CAMTA1: variants seen among roughly 807,000 people sequenced by gnomAD.
CAMTA1 encodes calmodulin-binding transcription activator 1.
A neutral mutation model predicts 170.9 loss-of-function variants in CAMTA1; 27 were observed. That is an observed-to-expected ratio of 0.16 (90% CI 0.12 to 0.22). CAMTA1 has a LOEUF of 0.22. CAMTA1 is among the 10% of genes least tolerant of loss of function. CAMTA1 has a pLI of 1.00. For synonymous variants in CAMTA1, 833 were observed against 891.5 expected (o/e 0.93, Z 1.17); for missense variants, 1,619 against 2,217.2 (o/e 0.73, Z 5.42).
chr1:7,397,082 T>G, intron 5 of CAMTA1, among the ~76,000 whole-genome samples: 1 of 152,226 alleles, frequency 6.6e-6, no homozygotes, highest in East Asian at 1.9e-4. Flanking sequence ...AATAGTTATT[T>G]AAATATTTGG....
chr1:7,734,539 TAC>T lies in CAMTA1; in HGVS notation c.3067-1803_3067-1802del, dbSNP rs1195314431. ...TAGAGACATGACTGTTTTTGTTTAA[TAC>T]AAAAAAAAAAAAATTCCCTTTTCGT... On this transcript the variant is annotated intron_variant, in intron 12 of 22. Coordinates refer to ENST00000303635, the MANE Select transcript of CAMTA1 (RefSeq NM_015215.4). 3.9e-4 allele frequency among the ~76,000 whole-genome samples: 43 copies of T among 108,974 alleles called. No homozygotes were observed. In the Admixed American group the frequency reaches 4.7e-3, roughly 12 times the overall value. 71.5% of individuals were successfully genotyped at this position (108,974 alleles called of 152,430 possible).
intron 3 of CAMTA1, among the ~76,000 whole-genome samples, chr1:6,835,307 A>G (rs1334658849): frequency 1.3e-5 from 2 of 152,200 alleles, no homozygotes; most frequent in African/African-American, 4.8e-5. Flanking sequence ...GAGACTCTGT[A>G]CTGTGCAGAC....
At chr1:7,554,810 C>A (rs2094854164) in intron 6 of CAMTA1, among the ~76,000 whole-genome samples, 1 of 152,038 alleles carries the variant, frequency 6.6e-6, no homozygotes, top group South Asian at 2.1e-4. Context: ...TTGCTTCATC[C>A]CCCCCAACCC....
At chr1:6,804,176 CTTTTTTTTTTTT>C (rs889875577) in intron 1 of CAMTA1, among the ~76,000 whole-genome samples, 14 of 116,466 alleles carry the variant, frequency 1.2e-4, no homozygotes, top group Non-Finnish European at 1.8e-4. Context: ...GAGCGAAACT[CTTTTTTTTTTTT>C]TTTTTTTTTG....
intron 4 of CAMTA1, among the ~76,000 whole-genome samples, chr1:7,123,067 C>G (rs999994974): frequency 1.3e-4 from 20 of 152,176 alleles, no homozygotes; most frequent in African/African-American, 4.8e-4. Context: ...TCCGGGCCAT[C>G]TTGCCAGCCA....
chr1:7,022,584 T>TAGGGTAGA (rs1701513293), intron 3 of CAMTA1, among the ~76,000 whole-genome samples: 1 of 152,262 alleles, frequency 6.6e-6, no homozygotes, highest in African/African-American at 2.4e-5. Context: ...AGAGAGGTAG[T>TAGGGTAGA]GTAGCCCACT....
Position 7,633,440 on chromosome 1 carries a change from G to T in CAMTA1, c.511-6960G>T, listed in dbSNP as rs1371405495. Among the ~76,000 whole-genome samples the T allele has an allele frequency of 6.6e-6, 1 of 152,174 alleles. No homozygotes were observed. The highest frequency in any genetic ancestry group is 6.5e-5 in the Admixed American group (1 of 15,288). On this transcript the variant is annotated intron_variant, in intron 6 of 22. Coordinates refer to ENST00000303635, the MANE Select transcript of CAMTA1 (RefSeq NM_015215.4). The surrounding 1 kb of genome is among the most constrained non-coding windows in gnomAD (Gnocchi z 4.1). ...CCACCCCTCCTGGGCCCCTTCTGGG[G>T]GAGTGGACCCCCTCCTCTTCCAGCC...
intron 3 of CAMTA1, among the ~76,000 whole-genome samples, chr1:7,009,877 C>T (rs535678373): frequency 1.3e-5 from 2 of 152,174 alleles, no homozygotes; most frequent in Non-Finnish European, 2.9e-5. Flanking sequence ...GCTTTCCCTG[C>T]GGTCCTCGTG....
At chr1:7,108,514 T>C (rs967810585) in intron 4 of CAMTA1, among the ~76,000 whole-genome samples, 1 of 152,114 alleles carries the variant, frequency 6.6e-6, no homozygotes, top group African/African-American at 2.4e-5. Context: ...AACTCTCACA[T>C]CATCCTCGAC....
rs531442049 is a variant in CAMTA1 at position 7,120,499 on chromosome 1, G to A, written c.302+29128G>A. Among the ~76,000 whole-genome samples, 39 of 152,314 alleles carry A rather than the reference G, an allele frequency of 2.6e-4. 1 individual carries two copies. The South Asian group carries it at 7.9e-3, about 31-fold the overall frequency. On this transcript the variant is annotated intron_variant, in intron 4 of 22. Coordinates refer to ENST00000303635, the MANE Select transcript of CAMTA1 (RefSeq NM_015215.4). ...CATCAGAGCCAGCAGGGGAGAGAGAGCCTGCTAGCAAGATGGACGTTCCTG... is the reference window on the plus strand; with the variant it reads ...CATCAGAGCCAGCAGGGGAGAGAGAACCTGCTAGCAAGATGGACGTTCCTG...
rs941250284 is a variant in CAMTA1 at position 7,427,000 on chromosome 1, G to A, written c.439-40830G>A. 1.3e-5 allele frequency among the ~76,000 whole-genome samples: 2 copies of A among 152,076 alleles called. No homozygotes were observed. Among genetic ancestry groups the A allele is most frequent in the African/African-American group, 2.4e-5 (1 of 41,476 alleles). ...TCCTTACTCAACATTCCCAGGTGTC[G>A]TCCCCTCTTAAGCTGTCCTAGATGA... is the stretch of plus-strand genomic sequence containing the variant. On this transcript the variant is annotated intron_variant, in intron 5 of 22. Transcript: ENST00000303635. This position sits in a 1 kb window ranked among gnomAD's most constrained non-coding sequence, Gnocchi z 4.8.
At chr1:7,349,487 T>C (rs181938651) in intron 5 of CAMTA1, among the ~76,000 whole-genome samples, 35 of 152,344 alleles carry the variant, frequency 2.3e-4, no homozygotes, top group African/African-American at 6.3e-4. Flanking sequence ...ATGCCATGTG[T>C]GTACTCTGGC....
chr1:6,852,694 TCC>T (rs899076308), intron 3 of CAMTA1, among the ~76,000 whole-genome samples: 1 of 152,220 alleles, frequency 6.6e-6, no homozygotes, highest in African/African-American at 2.4e-5. Context: ...CCCTCCCAGC[TCC>T]CCTATGTGTT....
At chr1:7,556,688 C>T (rs1357467070) in intron 6 of CAMTA1, among the ~76,000 whole-genome samples, 7 of 152,160 alleles carry the variant, frequency 4.6e-5, no homozygotes, top group South Asian at 2.1e-4. Flanking sequence ...GCACTCAATT[C>T]GTCTGCCTGG....
At chr1:6,964,363 C>T (rs965150494) in intron 3 of CAMTA1, among the ~76,000 whole-genome samples, 2 of 152,046 alleles carry the variant, frequency 1.3e-5, no homozygotes, top group Admixed American at 1.3e-4. Flanking sequence ...GGCGCAGCGT[C>T]CTGGCTGTTT....
rs948889045 is a variant in CAMTA1, at chr1:7,286,041, A to G, written c.438+36415A>G. Among the ~76,000 whole-genome samples the G allele has an allele frequency of 3.3e-5, 5 of 152,184 alleles. No individual in the cohort carries two copies. Among genetic ancestry groups the G allele is most frequent in the African/African-American group, 7.2e-5 (3 of 41,452 alleles). ...TTCAGATGTACCCACCACCGGGCCA[A>G]TGGAGCCTGCTGTGTGCCAAGCACC... is the stretch of plus-strand genomic sequence containing the variant. On this transcript the variant is annotated intron_variant, in intron 5 of 22. Transcript: ENST00000303635. This position sits in a 1 kb window ranked among gnomAD's most constrained non-coding sequence, Gnocchi z 4.2.
At chr1:7,331,270 G>C (rs1267742624) in intron 5 of CAMTA1, among the ~76,000 whole-genome samples, 1 of 152,026 alleles carries the variant, frequency 6.6e-6, no homozygotes, top group African/African-American at 2.4e-5. Context: ...CCTCAGTGAG[G>C]TCCCCCATGC....
chr1:7,172,302 A>T (rs1274655971), intron 4 of CAMTA1, among the ~76,000 whole-genome samples: 1 of 152,092 alleles, frequency 6.6e-6, no homozygotes, highest in Non-Finnish European at 1.5e-5. Context: ...GGTGCCTGCC[A>T]CCACGCCCAG....
At chr1:7,086,321 C>T (rs565158203) in intron 3 of CAMTA1, among the ~76,000 whole-genome samples, 26 of 152,200 alleles carry the variant, frequency 1.7e-4, no homozygotes, top group African/African-American at 5.1e-4. Flanking sequence ...CACGCACACA[C>T]GTGGTCCTTA....
Sources: gnomAD v4.1 joint callset for allele counts (sites outside exome capture counted in the v4.1 genomes callset) on GRCh38, gnomAD v4.1.1 for gene constraint, Gnocchi (gnomAD v3.1) non-coding constraint, MANE v1.5 for transcripts, NCBI Gene and HGNC (gene_info 2026-07-23, HGNC 2026-07-21) for gene names.